BAG4: variants seen among roughly 807,000 people sequenced by gnomAD.
BAG4 encodes the protein BAG family molecular chaperone regulator 4.
A neutral mutation model predicts 52.1 loss-of-function variants in BAG4; 28 were observed. The ratio of observed to expected loss-of-function variants is 0.54; its 90% CI spans 0.40 to 0.74. The LOEUF is 0.74. Ranked by LOEUF, BAG4 falls within the 30% of genes least tolerant of loss-of-function variation. The probability of loss-of-function intolerance (pLI) is 0.00; values close to 1 mark genes in which losing one functional copy is unlikely to be tolerated. For missense variants in BAG4, 525 were observed against 572.0 expected (o/e 0.92, Z 0.84); for synonymous variants, 208 against 217.0 (o/e 0.96, Z 0.37).
chr8:38,205,220 T>A (rs2130689060), intron 2 of BAG4, among the ~76,000 whole-genome samples: 1 of 140,826 alleles, frequency 7.1e-6, no homozygotes, highest in East Asian at 2.0e-4. Flanking sequence ...TTTTTTTTTT[T>A]TTTTTTTTTT....
rs1282157485 is a variant in BAG4 at position 38,194,859 on chromosome 8, T to TG, written c.378+2064_378+2065insG. 1.4e-4 allele frequency among the ~76,000 whole-genome samples: 21 copies of TG among 148,260 alleles called. No individual in the cohort carries two copies. In the East Asian group the frequency reaches 2.0e-3, roughly 14 times the overall value. ...GGTGTTTTTTTTTGTTTTTTTTTTT[T>TG]TTTGTTTTTTTTTTTGGCCGAGTCT... On this transcript the variant is annotated intron_variant, in intron 2 of 4. Coordinates refer to ENST00000287322, the MANE Select transcript of BAG4 (RefSeq NM_004874.4).
intron 1 of BAG4, among the ~76,000 whole-genome samples, chr8:38,177,410 G>C (rs1230262740): frequency 6.6e-6 from 1 of 152,242 alleles, no homozygotes; most frequent in East Asian, 1.9e-4. Flanking sequence ...GCAGGCTGCA[G>C]ATCTCTCTCC....
At chr8:38,185,142 A>C (rs1803343324) in intron 1 of BAG4, among the ~76,000 whole-genome samples, 1 of 151,956 alleles carries the variant, frequency 6.6e-6, no homozygotes, top group South Asian at 2.1e-4. Context: ...GGCAAGGGGC[A>C]ATACCTTAAT....
chr8:38,206,593 G>A (rs1218398412), intron 2 of BAG4, among the ~76,000 whole-genome samples: 1 of 151,966 alleles, frequency 6.6e-6, no homozygotes, highest in Non-Finnish European at 1.5e-5. Flanking sequence ...CATTTATTGA[G>A]CATACTATAT....
chr8:38,210,286 G>A lies in BAG4; in HGVS notation c.1167G>A (p.Lys389=). 1 of 1,614,100 alleles carries A rather than the reference G, an allele frequency of 6.2e-7. No individual in the cohort carries two copies. The highest frequency in any genetic ancestry group is 1.3e-5 in the African/African-American group (1 of 75,014). Residue 389 remains lysine (K), a synonymous_variant, in exon 5 of 5, where the codon AAG becomes AAA. Coordinates refer to ENST00000287322, the MANE Select transcript of BAG4 (RefSeq NM_004874.4). ...SIKKIIHVLE[K]VQYLEQEVEE... ...AAAAAATCATACATGTGCTGGAGAAGGTCCAGTATCTTGAACAAGAAGTAG... is the reference window on the plus strand; with the variant it reads ...AAAAAATCATACATGTGCTGGAGAAAGTCCAGTATCTTGAACAAGAAGTAG...
At chr8:38,189,091 G>A (rs1803424066) in intron 1 of BAG4, among the ~76,000 whole-genome samples, 1 of 151,666 alleles carries the variant, frequency 6.6e-6, no homozygotes, top group African/African-American at 2.4e-5. Context: ...CTGAGTAGCT[G>A]CCCGCCACCA....
At position 38,212,241 on chromosome 8, in the gene BAG4, A is replaced by C. The variant is rs1261171079; in HGVS notation, c.*1748A>C. 1 of 152,206 alleles carries C rather than the reference A, an allele frequency of 6.6e-6. No homozygotes were observed. Among genetic ancestry groups the C allele is most frequent in the East Asian group, 1.9e-4 (1 of 5,206 alleles). 9.4% of individuals were successfully genotyped at this position (152,206 alleles called of 1,614,324 possible). Reference sequence around the variant, plus strand: ...TTAAAGCTAAGCTACCAGTAAGACAATGAATAATTCAGAAGAGAACACTAT... The same window carrying C: ...TTAAAGCTAAGCTACCAGTAAGACACTGAATAATTCAGAAGAGAACACTAT... On this transcript the variant is annotated 3_prime_UTR_variant, in exon 5 of 5. Coordinates refer to ENST00000287322, the MANE Select transcript of BAG4 (RefSeq NM_004874.4).
chr8:38,190,539 C>T (rs1803456987), intron 1 of BAG4, among the ~76,000 whole-genome samples: 1 of 151,314 alleles, frequency 6.6e-6, no homozygotes, highest in Non-Finnish European at 1.5e-5. Context: ...GCCTCTGCCT[C>T]TCACCTCTCA....
At chr8:38,187,513 A>T (rs1447291683) in intron 1 of BAG4, among the ~76,000 whole-genome samples, 1 of 152,218 alleles carries the variant, frequency 6.6e-6, no homozygotes, top group African/African-American at 2.4e-5. Flanking sequence ...CAAAAGATGC[A>T]AATATGCTCT....
rs1585670650 is a variant in BAG4 at position 38,212,061 on chromosome 8, T to G, written c.*1568T>G. ...AAATGTAGTAAAAATACTGGCTGGGTCTTATGATTGGGATGAGTGATTTTA... is the reference window on the plus strand; with the variant it reads ...AAATGTAGTAAAAATACTGGCTGGGGCTTATGATTGGGATGAGTGATTTTA... On this transcript the variant is annotated 3_prime_UTR_variant, in exon 5 of 5. Transcript: ENST00000287322. 1 of 152,040 alleles carries G rather than the reference T, an allele frequency of 6.6e-6. No individual in the cohort carries two copies. The allele number at this position is 152,040 out of a possible 1,614,324, so 9.4% of individuals were successfully genotyped here. A position where few individuals can be genotyped will look rare whatever the true frequency, so the allele number is the denominator to read the frequency against.
At chr8:38,209,860 A>C (rs1365287960) in intron 4 of BAG4, 148 bp from the exon 5 acceptor site, 1 of 1,145,452 alleles carries the variant, frequency 8.7e-7, no homozygotes, top group African/African-American at 1.6e-5. Flanking sequence ...TTTTTTTGCA[A>C]ATGATTAAGG....
intron 1 of BAG4, 50 bp from the exon 2 acceptor site, chr8:38,192,638 A>G: frequency 7.1e-7 from 1 of 1,409,690 alleles, no homozygotes. Context: ...CTATCTTAAA[A>G]TGATGTATGA....
At chr8:38,208,217 T>C (rs1359520478) in intron 3 of BAG4, among the ~76,000 whole-genome samples, 3 of 146,812 alleles carry the variant, frequency 2.0e-5, no homozygotes, top group African/African-American at 7.5e-5. Context: ...CCTCGTGATC[T>C]GCCCCCCTCG....
At position 38,200,796 on chromosome 8, in the gene BAG4, C is replaced by G. The variant is rs146008688; in HGVS notation, c.379-6716C>G. Among the ~76,000 whole-genome samples, 1,161 of 152,120 alleles carry G rather than the reference C, an allele frequency of 7.6e-3. 14 individuals are homozygous for G. The highest frequency in any genetic ancestry group is 0.027 in the African/African-American group (1,114 of 41,510). On this transcript the variant is annotated intron_variant, in intron 2 of 4. Transcript: ENST00000287322. The stretch of plus-strand genomic sequence containing the variant: ...TATTTTTAGTACAGATGGGGTTTCT[C>G]CATGTTGGTCAGGCTGGTCTCGAAC...
At chr8:38,192,875 C>A in intron 2 of BAG4, 80 bp downstream of exon 2, 2 of 1,060,120 alleles carry the variant, frequency 1.9e-6, no homozygotes, top group Non-Finnish European at 2.7e-6. Flanking sequence ...GATTTTAGAG[C>A]AGTGATGAGT....
chr8:38,177,160 C>T, intron 1 of BAG4, 21 bp downstream of exon 1: 1 of 1,608,042 alleles, frequency 6.2e-7, no homozygotes, highest in Non-Finnish European at 8.5e-7. Flanking sequence ...CACCCTCTGT[C>T]CTTGCGGGGA....
chr8:38,191,970 T>C (rs1803482682), intron 1 of BAG4, among the ~76,000 whole-genome samples: 1 of 152,200 alleles, frequency 6.6e-6, no homozygotes, highest in African/African-American at 2.4e-5. Context: ...TTGTCGTAGC[T>C]AGATTTTCTC....
chr8:38,183,384 G>A (rs1280194224), intron 1 of BAG4, among the ~76,000 whole-genome samples: 1 of 151,970 alleles, frequency 6.6e-6, no homozygotes, highest in East Asian at 1.9e-4. Flanking sequence ...ACCAGGTAAG[G>A]GTGGTAAGGG....
At chr8:38,190,681 C>G (rs546552902) in intron 1 of BAG4, among the ~76,000 whole-genome samples, 1 of 151,064 alleles carries the variant, frequency 6.6e-6, no homozygotes, top group Admixed American at 6.6e-5. Context: ...TGGCCCCAAG[C>G]AATCCTCTTG....
Sources: gnomAD v4.1 joint callset for allele counts (sites outside exome capture counted in the v4.1 genomes callset) on GRCh38, gnomAD v4.1.1 for gene constraint, MANE v1.5 for transcripts, NCBI Gene and HGNC (gene_info 2026-07-23, HGNC 2026-07-21) for gene names.